WDFY3: variants seen among roughly 807,000 people sequenced by gnomAD.
WDFY3 encodes the protein WD repeat and FYVE domain-containing protein 3.
A neutral mutation model predicts 409.6 loss-of-function variants in WDFY3; 66 were observed. The observed-to-expected ratio is 0.16, with a 90% CI of 0.13 to 0.20. The LOEUF (loss-of-function observed/expected upper bound fraction) is 0.20. Ranked by LOEUF, WDFY3 falls within the 10% of genes least tolerant of loss-of-function variation. WDFY3 has a pLI of 1.00. For missense variants in WDFY3, 3,031 were observed against 4,298.1 expected (o/e 0.71, Z 8.24); for synonymous variants, 1,521 against 1,537.1 (o/e 0.99, Z 0.25).
intron 45 of WDFY3, 147 bp from the exon 46 acceptor site, chr4:84,724,741 T>A: frequency 7.8e-6 from 6 of 768,612 alleles, no homozygotes; most frequent in Non-Finnish European, 1.1e-5. Context: ...AATCCACACT[T>A]TTGGGTTAAG....
At chr4:84,820,674 C>T (rs983297353) in intron 11 of WDFY3, among the ~76,000 whole-genome samples, 3 of 151,990 alleles carry the variant, frequency 2.0e-5, no homozygotes, top group Admixed American at 6.6e-5. Context: ...ATTAAATATA[C>T]GTATTTGCTC....
chr4:84,903,687 C>T (rs1043039209), intron 2 of WDFY3, among the ~76,000 whole-genome samples: 3 of 152,118 alleles, frequency 2.0e-5, no homozygotes, highest in Non-Finnish European at 4.4e-5. Flanking sequence ...CAAACCTCAC[C>T]TTAGAGTTTC....
chr4:84,730,394 T>C (rs188262421), intron 44 of WDFY3, among the ~76,000 whole-genome samples: 2 of 152,334 alleles, frequency 1.3e-5, no homozygotes, highest in Non-Finnish European at 2.9e-5. Flanking sequence ...TTGTTAGCAC[T>C]AGAGAGATAA....
At chr4:84,881,837 T>C (rs916038565) in intron 3 of WDFY3, among the ~76,000 whole-genome samples, 1 of 151,260 alleles carries the variant, frequency 6.6e-6, no homozygotes, top group Admixed American at 6.6e-5. Flanking sequence ...GCTGAGATTG[T>C]GCCACTGTAC....
chr4:84,924,731 G>T (rs1360455839), intron 2 of WDFY3, among the ~76,000 whole-genome samples: 1 of 152,132 alleles, frequency 6.6e-6, no homozygotes, highest in Admixed American at 6.6e-5. Flanking sequence ...AGAGGAAAAG[G>T]TATACTTGAA....
intron 3 of WDFY3, 150 bp from the exon 4 acceptor site, chr4:84,860,772 G>T: frequency 1.3e-6 from 1 of 747,672 alleles, no homozygotes; most frequent in Non-Finnish European, 1.9e-6. Flanking sequence ...AGACAGAGAA[G>T]CAAAATTTGA....
Position 84,944,172 on chromosome 4 carries a change from TTA to T in WDFY3, c.-225-11811_-225-11810del, listed in dbSNP as rs1772503492. On this transcript the variant is annotated intron_variant, in intron 1 of 67. Transcript: ENST00000295888. ...CTTTTCGCTGACTGAATAAATAGCT[TTA>T]TATAAGTATTATTTATTAGTCTTTA... Among the ~76,000 whole-genome samples the T allele has an allele frequency of 2.6e-5, 4 of 152,260 alleles. No homozygotes were observed. In the South Asian group the frequency reaches 8.3e-4, roughly 32 times the overall value.
chr4:84,923,855 C>T (rs1769618709), intron 2 of WDFY3, among the ~76,000 whole-genome samples: 1 of 152,168 alleles, frequency 6.6e-6, no homozygotes, highest in East Asian at 1.9e-4. Context: ...AAAAATTAGC[C>T]AGTTGTGGTA....
chr4:84,787,410 G>T, intron 23 of WDFY3, 72 bp downstream of exon 23: 1 of 1,425,292 alleles, frequency 7.0e-7, no homozygotes, highest in South Asian at 1.3e-5. Context: ...TATAACCTCA[G>T]ACACACACAT....
At chr4:84,822,834 GTTT>G (rs1222397407) in intron 10 of WDFY3, among the ~76,000 whole-genome samples, 1 of 152,062 alleles carries the variant, frequency 6.6e-6, no homozygotes, top group Non-Finnish European at 1.5e-5. Flanking sequence ...CTAATTTCTT[GTTT>G]ATTACATGTA....
rs781587811 is a variant in WDFY3, at chr4:84,741,778, T to C, written c.6217A>G (p.Ile2073Val). 6.2e-7 allele frequency: 1 copy of C among 1,610,446 alleles called. No individual in the cohort carries two copies. The highest frequency in any genetic ancestry group is 1.1e-5 in the South Asian group (1 of 90,718). Reference protein sequence around the residue: ...KESKLLIDFIIQLIAQSKRRS... With the variant: ...KESKLLIDFIVQLIAQSKRRS... ...TGGATTACCTGTGCAATTAGTTGAATTATAAAATCTATAAGAAGTTTAGAT... is the reference window on the plus strand; with the variant it reads ...TGGATTACCTGTGCAATTAGTTGAACTATAAAATCTATAAGAAGTTTAGAT... Residue 2073 changes from isoleucine to valine, a missense_variant, in exon 38 of 68, where the codon ATT (isoleucine) becomes GTT (valine). Ile to Val is a conservative substitution (Grantham distance 29, BLOSUM62 3). Coordinates refer to ENST00000295888, the MANE Select transcript of WDFY3 (RefSeq NM_014991.6).
At chr4:84,763,965 C>T (rs1010005358) in intron 32 of WDFY3, among the ~76,000 whole-genome samples, 1 of 152,058 alleles carries the variant, frequency 6.6e-6, no homozygotes, top group Admixed American at 6.5e-5. Context: ...AGCGAAATAA[C>T]CTTATGTAGT....
Position 84,694,525 on chromosome 4 carries a change from T to C in WDFY3, c.8901+1445A>G, listed in dbSNP as rs935346152. 3.9e-5 allele frequency among the ~76,000 whole-genome samples: 6 copies of C among 152,358 alleles called. No homozygotes were observed. In the South Asian group the frequency reaches 6.2e-4, roughly 16 times the overall value. ...CAGAATATGTATTTCCCCTAGGGTA[T>C]GAAAGATGGCTCCAGCCCTTGTAAC... is the stretch of plus-strand genomic sequence containing the variant. On this transcript the variant is annotated intron_variant, in intron 58 of 67. Coordinates refer to ENST00000295888, the MANE Select transcript of WDFY3 (RefSeq NM_014991.6).
intron 1 of WDFY3, among the ~76,000 whole-genome samples, chr4:84,933,027 G>A (rs1770964770): frequency 6.6e-6 from 1 of 152,100 alleles, no homozygotes; most frequent in Non-Finnish European, 1.5e-5. Flanking sequence ...GTTCTATAGT[G>A]TAGTCAAACA....
chr4:84,816,744 T>A (rs1375833116), intron 13 of WDFY3, among the ~76,000 whole-genome samples: 1 of 152,074 alleles, frequency 6.6e-6, no homozygotes, highest in Non-Finnish European at 1.5e-5. Flanking sequence ...ACCAGTAATA[T>A]GGGAGAATGT....
At chr4:84,757,214 G>T in intron 32 of WDFY3, 53 bp from the exon 33 acceptor site, 1 of 1,511,616 alleles carries the variant, frequency 6.6e-7, no homozygotes, top group Non-Finnish European at 9.2e-7. Flanking sequence ...TGATAAACAT[G>T]CTGCATTAAC....
intron 48 of WDFY3, among the ~76,000 whole-genome samples, chr4:84,717,217 T>A (rs895249974): frequency 2.0e-5 from 3 of 152,160 alleles, no homozygotes; most frequent in Non-Finnish European, 2.9e-5. Context: ...AATATAATTT[T>A]AAAAATCCCC....
At chr4:84,749,952 G>A (rs991151632) in intron 36 of WDFY3, among the ~76,000 whole-genome samples, 1 of 151,868 alleles carries the variant, frequency 6.6e-6, no homozygotes, top group African/African-American at 2.4e-5. Context: ...AAAAATAAAG[G>A]GCAATTATAC....
At chr4:84,906,228 T>C (rs909030151) in intron 2 of WDFY3, among the ~76,000 whole-genome samples, 2 of 152,318 alleles carry the variant, frequency 1.3e-5, no homozygotes, top group African/African-American at 4.8e-5. Context: ...ATTTAAAAGA[T>C]AATTTATGAT....
Sources: allele counts gnomAD v4.1 joint callset (sites outside exome capture counted in the v4.1 genomes callset), GRCh38; gene constraint gnomAD v4.1.1; transcripts MANE v1.5; gene names NCBI Gene and HGNC (gene_info 2026-07-23, HGNC 2026-07-21).